Variants in ERCC3 observed in about 807,000 individuals in gnomAD.
The protein encoded by ERCC3 is ERCC excision repair 3, TFIIH core complex helicase subunit.
A neutral mutation model predicts 94.2 loss-of-function variants in ERCC3; 66 were observed. That is an observed-to-expected ratio of 0.70 (90% CI 0.57 to 0.86). The LOEUF (loss-of-function observed/expected upper bound fraction) is 0.86. ERCC3 is among the 40% of genes least tolerant of loss of function. The probability of loss-of-function intolerance (pLI) is 0.00; values close to 1 mark genes in which losing one functional copy is unlikely to be tolerated. For missense variants in ERCC3, 829 were observed against 987.1 expected, an observed-to-expected ratio of 0.84 and a Z score of 2.15; for synonymous variants, 349 against 369.1, an observed-to-expected ratio of 0.95 and a Z score of 0.63.
chr2:127,271,473 G>A lies in ERCC3; in HGVS notation c.1828-20C>T. 1 of 1,549,312 alleles carries A rather than the reference G, an allele frequency of 6.5e-7. No homozygotes were observed. The highest frequency in any genetic ancestry group is 8.9e-7 in the Non-Finnish European group (1 of 1,124,608). On this transcript the variant is annotated intron_variant, in intron 11 of 14. Transcript: ENST00000285398. The surrounding 1 kb of genome is among the most constrained non-coding windows in gnomAD (Gnocchi z 5.0). ...ACCTACCTACAGAAACAAGTTGGAA[G>A]GTTTTTATATATGAGGAAAAAAAAA... is the stretch of plus-strand genomic sequence containing the variant.
Position 127,291,612 on chromosome 2 carries a change from G to A in ERCC3, c.471+998C>T, listed in dbSNP as rs1267015831. 2.6e-5 allele frequency among the ~76,000 whole-genome samples: 4 copies of A among 152,148 alleles called. No homozygotes were observed. The highest frequency in any genetic ancestry group is 5.9e-5 in the Non-Finnish European group (4 of 68,040). ...GAGAGTTCTCTCCAGGACTCCTGCAGCTTCTCTGGGACTGGCTGCAGTACC... is the reference window on the plus strand; with the variant it reads ...GAGAGTTCTCTCCAGGACTCCTGCAACTTCTCTGGGACTGGCTGCAGTACC... On this transcript the variant is annotated intron_variant, in intron 3 of 14. Transcript: ENST00000285398. This position sits in a 1 kb window ranked among gnomAD's most constrained non-coding sequence, Gnocchi z 4.9.
chr2:127,288,839 C>T lies in ERCC3; in HGVS notation c.848G>A (p.Arg283His), dbSNP rs749390618. 3 of 1,613,642 alleles carry T rather than the reference C, an allele frequency of 1.9e-6. No individual in the cohort carries two copies. Among genetic ancestry groups the T allele is most frequent in the Middle Eastern group, 1.7e-4 (1 of 5,970 alleles). ...KQEMIEELQKRCIHLEYPLLA... is the reference protein window; with the variant it reads ...KQEMIEELQKHCIHLEYPLLA... ...CAGAGGGTACTCCAGGTGGATGCAACGTTTCTGGAGTTCCTCAATCATTTC... is the reference window on the plus strand; with the variant it reads ...CAGAGGGTACTCCAGGTGGATGCAATGTTTCTGGAGTTCCTCAATCATTTC... The change falls in exon 7 of 15, where the codon CGT becomes CAT. Residue 283 changes from arginine to histidine, a missense_variant. Transcript: ENST00000285398.
At chr2:127,287,065 AGGACAG>A (rs771782982) in intron 7 of ERCC3, 48 bp from the exon 8 acceptor site, 2 of 1,465,796 alleles carry the variant, frequency 1.4e-6, no homozygotes, top group South Asian at 2.3e-5. Flanking sequence ...GTTGAAATGA[AGGACAG>A]GGACAGGCAG....
In ERCC3 at chr2:127,279,603, A is replaced by G. The variant is rs1684843826; in HGVS notation, c.1528-228T>C. On this transcript the variant is annotated intron_variant, in intron 9 of 14. Coordinates refer to ENST00000285398, the MANE Select transcript of ERCC3 (RefSeq NM_000122.2). The surrounding 1 kb of genome is among the most constrained non-coding windows in gnomAD (Gnocchi z 4.7). Reference sequence around the variant, plus strand: ...ACAGTGAAACCCAGTCTCTACTAAAAATACAAAAATTAGCTGGGTGTGGTA... The same window carrying G: ...ACAGTGAAACCCAGTCTCTACTAAAGATACAAAAATTAGCTGGGTGTGGTA... Among the ~76,000 whole-genome samples the G allele has an allele frequency of 6.6e-6, 1 of 152,156 alleles. No individual in the cohort carries two copies. Among genetic ancestry groups the G allele is most frequent in the Non-Finnish European group, 1.5e-5 (1 of 68,024 alleles).
In ERCC3 at chr2:127,273,923, G is replaced by GTGA. The variant is rs369034835; in HGVS notation, c.1731-965_1731-963dup. Among the ~76,000 whole-genome samples the GTGA allele has an allele frequency of 2.0e-5, 3 of 151,694 alleles. No homozygotes were observed. The East Asian group carries it at 5.8e-4, about 29-fold the overall frequency. On this transcript the variant is annotated intron_variant, in intron 10 of 14. Coordinates refer to ENST00000285398, the MANE Select transcript of ERCC3 (RefSeq NM_000122.2). ...TAGCTTCCCAAGAATCATAACAACA[G>GTGA]TGATGATGATGATGACAACAGCAAA...
chr2:127,288,111 C>A (rs773459083), intron 7 of ERCC3, among the ~76,000 whole-genome samples: 1 of 152,076 alleles, frequency 6.6e-6, no homozygotes, highest in Admixed American at 6.5e-5. Context: ...TGGTCTCTGG[C>A]CAAGAAGCTA....
rs1451137094 is a variant in ERCC3, at chr2:127,271,135, T to A, written c.1945+201A>T. ...CTGTGTGGATTCCGTGACACTGTCA[T>A]GGAAAACACCTGCATATTCACCCCC... On this transcript the variant is annotated intron_variant, in intron 12 of 14. Transcript: ENST00000285398. This position sits in a 1 kb window ranked among gnomAD's most constrained non-coding sequence, Gnocchi z 5.0. Among the ~76,000 whole-genome samples, 1 of 152,152 alleles carries A rather than the reference T, an allele frequency of 6.6e-6. No homozygotes were observed. Among genetic ancestry groups the A allele is most frequent in the Non-Finnish European group, 1.5e-5 (1 of 68,034 alleles).
chr2:127,265,757 T>A (rs1048341576), intron 12 of ERCC3, among the ~76,000 whole-genome samples: 2 of 152,112 alleles, frequency 1.3e-5, no homozygotes, highest in Non-Finnish European at 2.9e-5. Flanking sequence ...ATTTCATTGA[T>A]CCTTTGTATT....
rs992871551 is a variant in ERCC3, at chr2:127,279,162, T to G, written c.1730+11A>C. The G allele has an allele frequency of 1.9e-6, 3 of 1,594,772 alleles. No homozygotes were observed. The Admixed American group carries it at 5.0e-5, about 27-fold the overall frequency. ...CTGGCCTGGAGGAAGCTCCAAGTTT[T>G]CAATTCTTACTTGTTCAGTCGAATG... On this transcript the variant is annotated intron_variant, in intron 10 of 14. Transcript: ENST00000285398. This position sits in a 1 kb window ranked among gnomAD's most constrained non-coding sequence, Gnocchi z 4.7.
rs755532523 is a variant in ERCC3 at position 127,257,566 on chromosome 2, C to T, written c.*30G>A. On this transcript the variant is annotated 3_prime_UTR_variant, in exon 15 of 15. Coordinates refer to ENST00000285398, the MANE Select transcript of ERCC3 (RefSeq NM_000122.2). This position sits in a 1 kb window ranked among gnomAD's most constrained non-coding sequence, Gnocchi z 5.4. The stretch of plus-strand genomic sequence containing the variant: ...CCTTTCCAACAAGGGTGCCAAGCGC[C>T]GGTCTTGAACGAAGTACCCTGCCTA... The T allele has an allele frequency of 4.3e-6, 7 of 1,612,622 alleles. No homozygotes were observed. Among genetic ancestry groups the T allele is most frequent in the Admixed American group, 3.3e-5 (2 of 60,010 alleles).
At position 127,284,706 on chromosome 2, in the gene ERCC3, G is replaced by A. The variant is rs1026222373; in HGVS notation, c.1342+1997C>T. Among the ~76,000 whole-genome samples, 2 of 149,484 alleles carry A rather than the reference G, an allele frequency of 1.3e-5. No individual in the cohort carries two copies. The highest frequency in any genetic ancestry group is 5.0e-5 in the African/African-American group (2 of 40,166). On this transcript the variant is annotated intron_variant, in intron 8 of 14. Transcript: ENST00000285398. The surrounding 1 kb of genome is among the most constrained non-coding windows in gnomAD (Gnocchi z 4.1). ...ATCTTTATTTTTTTTTTTTGAGACA[G>A]AGTCTCACACTCTGTCACCCATGCT...
At chr2:127,276,136 C>G (rs1684730256) in intron 10 of ERCC3, among the ~76,000 whole-genome samples, 1 of 152,168 alleles carries the variant, frequency 6.6e-6, no homozygotes, top group Non-Finnish European at 1.5e-5. Flanking sequence ...TTCCACAAGC[C>G]CTCCTCTTCC....
Position 127,291,166 on chromosome 2 carries a change from C to T in ERCC3, c.472-893G>A, listed in dbSNP as rs1685258187. On this transcript the variant is annotated intron_variant, in intron 3 of 14. Transcript: ENST00000285398. The surrounding 1 kb of genome is among the most constrained non-coding windows in gnomAD (Gnocchi z 4.9). ...TTGTCCCTGATCCACCACTACAGTG[C>T]ACCAACACCTACATCCCTGCAGGCA... Among the ~76,000 whole-genome samples the T allele has an allele frequency of 6.6e-6, 1 of 152,214 alleles. No individual in the cohort carries two copies. The highest frequency in any genetic ancestry group is 2.4e-5 in the African/African-American group (1 of 41,458).
At position 127,293,515 on chromosome 2, in the gene ERCC3, C is replaced by G. The variant is rs1244964997; in HGVS notation, c.232G>C (p.Val78Leu). The G allele has an allele frequency of 6.2e-7, 1 of 1,614,040 alleles. No homozygotes were observed. The highest frequency in any genetic ancestry group is 8.5e-7 in the Non-Finnish European group (1 of 1,179,976). Residue 78 changes from valine (V) to leucine (L), a missense_variant and splice_region_variant, in exon 2 of 15, where the codon GTG becomes CTG. Transcript: ENST00000285398. ...GCCCAAGCTAAGGGCATGCTTACCA[C>G]CCAGAGGGGCCTGGAGGTGTGGTCG... is the stretch of plus-strand genomic sequence containing the variant. ...KDDHTSRPLWVAPDGHIFLEA... is the reference protein window; with the variant it reads ...KDDHTSRPLWLAPDGHIFLEA...
At chr2:127,261,099 T>G in intron 13 of ERCC3, 129 bp downstream of exon 13, 1 of 736,274 alleles carries the variant, frequency 1.4e-6, no homozygotes, top group Non-Finnish European at 2.5e-6. Context: ...TAAAGGGAGT[T>G]TGAGGCAAGG....
chr2:127,280,737 G>T lies in ERCC3; in HGVS notation c.1343-106C>A. The T allele has an allele frequency of 9.1e-7, 1 of 1,097,740 alleles. No individual in the cohort carries two copies. Among genetic ancestry groups the T allele is most frequent in the Non-Finnish European group, 1.3e-6 (1 of 746,834 alleles). 68.0% of individuals were successfully genotyped at this position (1,097,740 alleles called of 1,614,324 possible). A position where few individuals can be genotyped will look rare whatever the true frequency, so the allele number is the denominator to read the frequency against. ...AGATGGGGTCTCATTATATTGCCCAGGCTGGTCTTGAACTCCTGGCCTCAA... is the reference window on the plus strand; with the variant it reads ...AGATGGGGTCTCATTATATTGCCCATGCTGGTCTTGAACTCCTGGCCTCAA... On this transcript the variant is annotated intron_variant, in intron 8 of 14. Coordinates refer to ENST00000285398, the MANE Select transcript of ERCC3 (RefSeq NM_000122.2). The surrounding 1 kb of genome is among the most constrained non-coding windows in gnomAD (Gnocchi z 6.3).
chr2:127,265,725 C>T (rs1684336274), intron 12 of ERCC3, among the ~76,000 whole-genome samples: 1 of 152,034 alleles, frequency 6.6e-6, no homozygotes, highest in Non-Finnish European at 1.5e-5. Flanking sequence ...CCTTATCTAT[C>T]TTTTCAAAGA....
At position 127,271,394 on chromosome 2, in the gene ERCC3, A is replaced by G. The variant is rs958927759; in HGVS notation, c.1887T>C (p.His629=). ...EANVLIQISS[H]GGSRRQEAQR... ...GGGCTTCCTGACGCCTGGAGCCACC[A>G]TGGGATGAGATCTGAATGAGGACAT... is the stretch of plus-strand genomic sequence containing the variant. Residue 629 remains histidine, a synonymous_variant, in exon 12 of 15, where the codon CAT becomes CAC. Transcript: ENST00000285398. The surrounding 1 kb of genome is among the most constrained non-coding windows in gnomAD (Gnocchi z 5.0). The G allele has an allele frequency of 6.2e-7, 1 of 1,614,114 alleles. No homozygotes were observed.
At chr2:127,292,413 T>TGGGGG in intron 3 of ERCC3, 197 bp downstream of exon 3, 1 of 659,964 alleles carries the variant, frequency 1.5e-6, no homozygotes, top group Non-Finnish European at 2.7e-6. Context: ...GTGTAGCGGC[T>TGGGGG]CATGAGAAGC....
Sources: gnomAD v4.1 joint callset for allele counts (sites outside exome capture counted in the v4.1 genomes callset) on GRCh38, gnomAD v4.1.1 for gene constraint, Gnocchi (gnomAD v3.1) non-coding constraint, MANE v1.5 for transcripts, NCBI Gene and HGNC (gene_info 2026-07-23, HGNC 2026-07-21) for gene names.